STARD13: variants seen among roughly 807,000 people sequenced by gnomAD.
The protein encoded by STARD13 is stAR-related lipid transfer protein 13.
A neutral mutation model predicts 106.4 loss-of-function variants in STARD13; 62 were observed. The ratio of observed to expected loss-of-function variants is 0.58; its 90% CI spans 0.48 to 0.72. The LOEUF (loss-of-function observed/expected upper bound fraction) is 0.72, where lower values mean the gene tolerates loss of function less well. STARD13 is among the 30% of genes least tolerant of loss of function. The pLI is 0.00. For missense variants in STARD13, 1,387 were observed against 1,424.0 expected (o/e 0.97, Z 0.42); for synonymous variants, 565 against 553.0 (o/e 1.02, Z -0.31).
At chr13:33,342,500 G>A (rs1043526418) in intron 1 of STARD13, among the ~76,000 whole-genome samples, 2 of 151,426 alleles carry the variant, frequency 1.3e-5, no homozygotes, top group Admixed American at 1.3e-4. Flanking sequence ...AAATTAAAAA[G>A]GCATTTGATC....
At chr13:33,213,798 A>T (rs1887866568) in intron 1 of STARD13, among the ~76,000 whole-genome samples, 1 of 152,218 alleles carries the variant, frequency 6.6e-6, no homozygotes, top group Admixed American at 6.5e-5. Context: ...CCTGTATATC[A>T]AAGCTTATAC....
intron 1 of STARD13, among the ~76,000 whole-genome samples, chr13:33,226,097 T>G (rs1397513372): frequency 6.6e-6 from 1 of 152,208 alleles, no homozygotes; most frequent in African/African-American, 2.4e-5. Flanking sequence ...AAGCCAGGCA[T>G]AGAGCCCTCA....
At chr13:33,181,273 C>CAT (rs947044805) in intron 1 of STARD13, among the ~76,000 whole-genome samples, 2 of 127,558 alleles carry the variant, frequency 1.6e-5, no homozygotes, top group Non-Finnish European at 3.9e-5. Context: ...CACATACATA[C>CAT]ACACACACAC....
chr13:33,138,630 A>C (rs773272111), intron 4 of STARD13: 108 of 246,172 alleles, frequency 4.4e-4, no homozygotes, highest in Non-Finnish European at 8.1e-4. Context: ...AACTGGAGCT[A>C]CGTGGCCGGG....
the STARD13 span, among the ~76,000 whole-genome samples, chr13:33,669,518 G>A: frequency 6.8e-6 from 1 of 147,146 alleles, no homozygotes; most frequent in South Asian, 2.2e-4. Context: ...GCTATGATAA[G>A]AAGAGGATGT....
At chr13:33,521,554 T>A in the STARD13 span, among the ~76,000 whole-genome samples, 1 of 152,122 alleles carries the variant, frequency 6.6e-6, no homozygotes, top group African/African-American at 2.4e-5. Context: ...CCTGTTTACA[T>A]GTTACCATCT....
At chr13:33,576,997 T>C in the STARD13 span, among the ~76,000 whole-genome samples, 3 of 152,188 alleles carry the variant, frequency 2.0e-5, no homozygotes, top group Non-Finnish European at 4.4e-5. Context: ...AGTTTTATGA[T>C]TCAATAAACA....
the STARD13 span, among the ~76,000 whole-genome samples, chr13:33,417,605 G>A: frequency 2.9e-4 from 44 of 152,248 alleles, no homozygotes; most frequent in African/African-American, 1.0e-3. Context: ...AGTAAAGTAT[G>A]GATCCATGCT....
the STARD13 span, among the ~76,000 whole-genome samples, chr13:33,448,763 A>G: frequency 6.6e-6 from 1 of 152,192 alleles, no homozygotes; most frequent in African/African-American, 2.4e-5. Flanking sequence ...CTTCACCAAC[A>G]TTTGTTACTG....
intron 1 of STARD13, among the ~76,000 whole-genome samples, chr13:33,203,916 C>T (rs1270972484): frequency 6.6e-6 from 1 of 152,166 alleles, no homozygotes; most frequent in African/African-American, 2.4e-5. Flanking sequence ...AAATGTCTTA[C>T]TGACATTTGA....
the STARD13 span, among the ~76,000 whole-genome samples, chr13:33,481,673 T>A: frequency 6.6e-6 from 1 of 152,092 alleles, no homozygotes; most frequent in Non-Finnish European, 1.5e-5. Context: ...AGTAGTCAAA[T>A]CCATAAATTA....
chr13:33,324,474 A>G (rs1490620421), intron 1 of STARD13, among the ~76,000 whole-genome samples: 2 of 152,196 alleles, frequency 1.3e-5, no homozygotes, highest in African/African-American at 2.4e-5. Flanking sequence ...TTAGGACCCA[A>G]CTCTATCAAA....
the STARD13 span, among the ~76,000 whole-genome samples, chr13:33,401,508 T>G: frequency 7.2e-5 from 11 of 152,186 alleles, no homozygotes. Context: ...CCTGAGAACT[T>G]GTTCAACTTT....
chr13:33,314,772 T>C (rs909326828), intron 1 of STARD13, among the ~76,000 whole-genome samples: 12 of 152,218 alleles, frequency 7.9e-5, no homozygotes, highest in African/African-American at 2.9e-4. Flanking sequence ...ACACCACAGC[T>C]GGGTTCCTTC....
the STARD13 span, among the ~76,000 whole-genome samples, chr13:33,410,445 C>T: frequency 2.0e-5 from 3 of 152,238 alleles, no homozygotes; most frequent in Non-Finnish European, 4.4e-5. Flanking sequence ...ATGCTAAGTG[C>T]ATTTCCAACC....
chr13:33,630,430 G>A, the STARD13 span, among the ~76,000 whole-genome samples: 2 of 152,168 alleles, frequency 1.3e-5, no homozygotes, highest in African/African-American at 2.4e-5. Context: ...TTAATTTGCT[G>A]ATACTTCTTC....
At chr13:33,308,520 C>CTTTT (rs552526416) in intron 1 of STARD13, among the ~76,000 whole-genome samples, 355 of 88,474 alleles carry the variant, frequency 4.0e-3, no homozygotes, top group East Asian at 5.3e-3. Context: ...CTTTTTCTTT[C>CTTTT]TTTTTTTTTT....
At chr13:33,276,383 A>T (rs987387897) in intron 1 of STARD13, among the ~76,000 whole-genome samples, 3 of 152,162 alleles carry the variant, frequency 2.0e-5, no homozygotes, top group African/African-American at 7.2e-5. Flanking sequence ...TCTGGAGAAG[A>T]TTCTTTAATT....
chr13:33,608,618 T>C, the STARD13 span, among the ~76,000 whole-genome samples: 1 of 152,152 alleles, frequency 6.6e-6, no homozygotes, highest in Non-Finnish European at 1.5e-5. Flanking sequence ...GGTGATAAGG[T>C]AGACTCTTCA....
Sources: allele counts gnomAD v4.1 joint callset (sites outside exome capture counted in the v4.1 genomes callset), GRCh38; gene constraint gnomAD v4.1.1; transcripts MANE v1.5; gene names NCBI Gene and HGNC (gene_info 2026-07-23, HGNC 2026-07-21).